Variants in GK5 observed in about 807,000 individuals in gnomAD.
The protein encoded by GK5 is glycerol kinase 5.
A neutral mutation model predicts 77.3 loss-of-function variants in GK5; 39 were observed. The observed-to-expected ratio is 0.50, with a 90% CI of 0.39 to 0.66. The LOEUF is 0.66. Among genes scored for constraint, GK5 ranks in the 30% least tolerant of loss-of-function variants. The pLI, the probability that GK5 is intolerant of heterozygous loss-of-function variation, is 0.00. For synonymous variants in GK5, 211 were observed against 208.0 expected (o/e 1.01, Z -0.13); for missense variants, 487 against 633.8 (o/e 0.77, Z 2.49).
intron 1 of GK5, among the ~76,000 whole-genome samples, chr3:142,218,044 G>A (rs1329847848): frequency 6.6e-6 from 1 of 152,030 alleles, no homozygotes; most frequent in Admixed American, 6.6e-5. Context: ...TAAAGCTACA[G>A]TAATCAAAAT....
rs2063393440 is a variant in GK5, at chr3:142,157,732, AATTTT to A, written c.*7885_*7889del. On this transcript the variant is annotated 3_prime_UTR_variant, in exon 16 of 16. Coordinates refer to ENST00000392993, the MANE Select transcript of GK5 (RefSeq NM_001039547.3). ...TAAAATACAGTATATTTTCACAACA[AATTTT>A]ATTTTCCCCACAACAAAGAATTATC... 1 of 150,986 alleles carries A rather than the reference AATTTT, an allele frequency of 6.6e-6. No individual in the cohort carries two copies. The highest frequency in any genetic ancestry group is 1.5e-5 in the Non-Finnish European group (1 of 67,254). The allele number at this position is 150,986 out of a possible 1,614,324, so 9.4% of individuals were successfully genotyped here. A position where few individuals can be genotyped will look rare whatever the true frequency, so the allele number is the denominator to read the frequency against.
chr3:142,219,159 C>T (rs1398338570), intron 1 of GK5, among the ~76,000 whole-genome samples: 1 of 152,152 alleles, frequency 6.6e-6, no homozygotes, highest in Non-Finnish European at 1.5e-5. Context: ...CTAAGATAAA[C>T]ATTCACTTAC....
At chr3:142,217,666 C>T (rs1236202176) in intron 1 of GK5, among the ~76,000 whole-genome samples, 3 of 152,212 alleles carry the variant, frequency 2.0e-5, no homozygotes, top group Admixed American at 2.0e-4. Context: ...TCAAGAGGCT[C>T]AGGAAAACTT....
At chr3:142,181,028 T>C (rs1015267973) in intron 11 of GK5, among the ~76,000 whole-genome samples, 1 of 152,176 alleles carries the variant, frequency 6.6e-6, no homozygotes, top group Non-Finnish European at 1.5e-5. Context: ...GAACTGACAC[T>C]GGAACCACAG....
chr3:142,205,357 G>T (rs1377554629), intron 3 of GK5, among the ~76,000 whole-genome samples: 1 of 152,058 alleles, frequency 6.6e-6, no homozygotes, highest in East Asian at 1.9e-4. Flanking sequence ...TCAACCTCTG[G>T]CATCTACTAA....
rs1240685009 is a variant in GK5, at chr3:142,158,415, GTAATAGTATTTAA to G, written c.*7194_*7206del. On this transcript the variant is annotated 3_prime_UTR_variant, in exon 16 of 16. Coordinates refer to ENST00000392993, the MANE Select transcript of GK5 (RefSeq NM_001039547.3). ...TCTTAATGTGCAGAAACCAAAACAG[GTAATAGTATTTAA>G]TAAGAATGTCCTGGTAATTTTTTTT... 1 of 152,382 alleles carries G rather than the reference GTAATAGTATTTAA, an allele frequency of 6.6e-6. No homozygotes were observed. The highest frequency in any genetic ancestry group is 6.5e-5 in the Admixed American group (1 of 15,280). The allele number at this position is 152,382 out of a possible 1,614,324, so 9.4% of individuals were successfully genotyped here. A position where few individuals can be genotyped will look rare whatever the true frequency, so the allele number is the denominator to read the frequency against.
At chr3:142,203,853 C>T (rs555244249) in intron 4 of GK5, among the ~76,000 whole-genome samples, 7 of 152,206 alleles carry the variant, frequency 4.6e-5, no homozygotes, top group South Asian at 4.1e-4. Flanking sequence ...TGACACCACT[C>T]GAGGAGCTGG....
chr3:142,205,280 A>G (rs1027708240), intron 3 of GK5, among the ~76,000 whole-genome samples: 1 of 152,222 alleles, frequency 6.6e-6, no homozygotes. Context: ...ATACTACAAT[A>G]AAAGTACAGA....
At chr3:142,173,849 T>C (rs1452410655) in intron 12 of GK5, among the ~76,000 whole-genome samples, 2 of 152,216 alleles carry the variant, frequency 1.3e-5, no homozygotes, top group African/African-American at 4.8e-5. Flanking sequence ...CAGGAAATTA[T>C]GATCCTCAGA....
intron 13 of GK5, 140 bp downstream of exon 13, chr3:142,172,213 T>C (rs1465162968): frequency 4.5e-6 from 2 of 449,288 alleles, no homozygotes; most frequent in African/African-American, 3.9e-5. Flanking sequence ...GAAGAACATA[T>C]TACATAATAT....
At chr3:142,202,020 C>A (rs1401316408) in intron 4 of GK5, among the ~76,000 whole-genome samples, 1 of 152,074 alleles carries the variant, frequency 6.6e-6, no homozygotes, top group African/African-American at 2.4e-5. Context: ...TGAGAAGGAT[C>A]CAGCCACGAT....
intron 4 of GK5, chr3:142,204,428 C>T (rs1460532704): frequency 4.3e-6 from 2 of 470,426 alleles, no homozygotes; most frequent in East Asian, 9.3e-5. Context: ...TGTATCTTTT[C>T]CATTTCTCAA....
chr3:142,196,214 T>C (rs1419904279), intron 5 of GK5, among the ~76,000 whole-genome samples: 1 of 152,188 alleles, frequency 6.6e-6, no homozygotes, highest in East Asian at 1.9e-4. Flanking sequence ...TTATTTGGGT[T>C]TTCTCTCGTC....
intron 5 of GK5, among the ~76,000 whole-genome samples, chr3:142,195,871 T>G (rs986948431): frequency 2.0e-5 from 3 of 152,332 alleles, no homozygotes; most frequent in Middle Eastern, 3.4e-3. Context: ...TATTTTCCCC[T>G]TCTATTTTTT....
At chr3:142,177,881 G>A (rs1200225796) in intron 11 of GK5, among the ~76,000 whole-genome samples, 2 of 144,702 alleles carry the variant, frequency 1.4e-5, no homozygotes, top group East Asian at 2.0e-4. Flanking sequence ...TTTTTGAGAC[G>A]GAGTTTCACT....
chr3:142,186,085 A>C, intron 8 of GK5, 96 bp from the exon 9 acceptor site: 5 of 1,166,990 alleles, frequency 4.3e-6, no homozygotes, highest in Non-Finnish European at 6.4e-6. Context: ...AAAAAGTTAC[A>C]TAATGAACAT....
intron 5 of GK5, among the ~76,000 whole-genome samples, chr3:142,197,086 C>T (rs1462516969): frequency 3.9e-5 from 6 of 151,922 alleles, no homozygotes; most frequent in African/African-American, 1.5e-4. Flanking sequence ...ACTCGGGAGG[C>T]TGAGGCAGGA....
At chr3:142,182,848 T>G in intron 10 of GK5, 75 bp downstream of exon 10, 2 of 982,506 alleles carry the variant, frequency 2.0e-6, no homozygotes, top group Non-Finnish European at 3.1e-6. Context: ...GGGAAAATAG[T>G]ATAAGTATCA....
At chr3:142,215,453 C>A in intron 2 of GK5, 146 bp downstream of exon 2, 1 of 490,630 alleles carries the variant, frequency 2.0e-6, no homozygotes, top group African/African-American at 2.0e-5. Context: ...TTACAAATTT[C>A]CGTTGAAAAA....
Sources: allele counts gnomAD v4.1 joint callset (sites outside exome capture counted in the v4.1 genomes callset), GRCh38; gene constraint gnomAD v4.1.1; transcripts MANE v1.5; gene names NCBI Gene and HGNC (gene_info 2026-07-23, HGNC 2026-07-21).